NBR1: variants seen among roughly 807,000 people sequenced by gnomAD.
NBR1 encodes the protein next to BRCA1 gene 1 protein.
A neutral mutation model predicts 115.5 loss-of-function variants in NBR1; 59 were observed. The observed-to-expected ratio is 0.51, with a 90% CI of 0.41 to 0.63. The LOEUF is 0.63. NBR1 is among the 30% of genes least tolerant of loss of function. The pLI, the probability that NBR1 is intolerant of heterozygous loss-of-function variation, is 0.00. For missense variants in NBR1, 1,043 were observed against 1,150.5 expected, an observed-to-expected ratio of 0.91 and a Z score of 1.35; for synonymous variants, 373 against 414.7, an observed-to-expected ratio of 0.90 and a Z score of 1.22.
intron 1 of NBR1, among the ~76,000 whole-genome samples, chr17:43,172,945 C>G (rs999203969): frequency 6.6e-6 from 1 of 152,010 alleles, no homozygotes; most frequent in Non-Finnish European, 1.5e-5. Context: ...CCTGCCTCAG[C>G]CTCCCGAGTA....
chr17:43,183,967 C>T (rs955455675), intron 5 of NBR1, among the ~76,000 whole-genome samples: 2 of 151,942 alleles, frequency 1.3e-5, no homozygotes, highest in Admixed American at 1.3e-4. Flanking sequence ...GCTACCACAC[C>T]TGGCTAGTTA....
chr17:43,206,440 G>A (rs565570405), intron 20 of NBR1, among the ~76,000 whole-genome samples: 2 of 150,352 alleles, frequency 1.3e-5, no homozygotes, highest in South Asian at 2.1e-4. Flanking sequence ...GGCAGATCAC[G>A]AGGTCAGGAG....
chr17:43,184,440 A>G (rs1207887048), intron 5 of NBR1, among the ~76,000 whole-genome samples: 1 of 133,108 alleles, frequency 7.5e-6, no homozygotes, highest in Non-Finnish European at 1.6e-5. Flanking sequence ...ATCTCAGCTC[A>G]TTGCAACCTC....
At chr17:43,172,768 C>T (rs2056407654) in intron 1 of NBR1, among the ~76,000 whole-genome samples, 2 of 152,062 alleles carry the variant, frequency 1.3e-5, no homozygotes, top group Admixed American at 6.6e-5. Flanking sequence ...TTTTACAGGG[C>T]AGTGCATTAC....
intron 6 of NBR1, among the ~76,000 whole-genome samples, chr17:43,186,980 AC>A (rs1209664100): frequency 6.6e-6 from 1 of 152,168 alleles, no homozygotes; most frequent in Non-Finnish European, 1.5e-5. Context: ...CAATAAACAT[AC>A]GTTTGCATGT....
chr17:43,194,232 A>C (rs922604124), intron 12 of NBR1, 118 bp from the exon 13 acceptor site: 54 of 966,028 alleles, frequency 5.6e-5, no homozygotes, highest in Non-Finnish European at 8.1e-5. Flanking sequence ...ATATATCAAA[A>C]ACATTGTTTT....
intron 6 of NBR1, among the ~76,000 whole-genome samples, chr17:43,188,812 A>G (rs776454146): frequency 6.6e-6 from 1 of 152,066 alleles, no homozygotes; most frequent in Non-Finnish European, 1.5e-5. Context: ...GAGATTTGGG[A>G]ATTAGTGTGC....
intron 16 of NBR1, among the ~76,000 whole-genome samples, chr17:43,197,996 A>G (rs930388926): frequency 1.3e-5 from 2 of 151,974 alleles, no homozygotes; most frequent in African/African-American, 4.8e-5. Context: ...TACTAAAAAT[A>G]CTAAAAATTA....
At chr17:43,185,771 T>C (rs536052083) in intron 5 of NBR1, among the ~76,000 whole-genome samples, 61 of 151,962 alleles carry the variant, frequency 4.0e-4, no homozygotes, top group African/African-American at 1.4e-3. Flanking sequence ...GCGAGGTGGG[T>C]GGATCACCTG....
At position 43,180,953 on chromosome 17, in the gene NBR1, T is replaced by C. The variant is rs1019249065; in HGVS notation, c.207+136T>C. The stretch of plus-strand genomic sequence containing the variant: ...GTGGCACAATCTGGGGTTGCTGCAG[T>C]CTTCACCTCCCAGGCTTAAGTGATC... On this transcript the variant is annotated intron_variant, in intron 5 of 20. Transcript: ENST00000590996. 5.5e-6 allele frequency: 5 copies of C among 917,280 alleles called. No individual in the cohort carries two copies. The African/African-American group carries it at 8.7e-5, about 16-fold the overall frequency. The allele number at this position is 917,280 out of a possible 1,614,324, so 56.8% of individuals were successfully genotyped here. A position where few individuals can be genotyped will look rare whatever the true frequency, so the allele number is the denominator to read the frequency against.
chr17:43,205,182 C>T (rs578158615), intron 20 of NBR1, among the ~76,000 whole-genome samples: 3 of 151,964 alleles, frequency 2.0e-5, no homozygotes, highest in South Asian at 4.2e-4. Flanking sequence ...GATGAAACCC[C>T]GTCTCTACTA....
At chr17:43,208,359 G>A (rs1458872368) in intron 20 of NBR1, among the ~76,000 whole-genome samples, 2 of 152,188 alleles carry the variant, frequency 1.3e-5, no homozygotes, top group African/African-American at 2.4e-5. Context: ...AAGATACAAT[G>A]CAAGGTACAT....
chr17:43,209,652 C>A (rs1255446276), intron 20 of NBR1: 1 of 1,535,322 alleles, frequency 6.5e-7, no homozygotes, highest in East Asian at 2.4e-5. Context: ...AAGTACAGTT[C>A]ATTAGCTCCC....
chr17:43,197,184 C>CAAG, intron 16 of NBR1, 78 bp downstream of exon 16: 1 of 1,294,346 alleles, frequency 7.7e-7, no homozygotes, highest in Non-Finnish European at 1.1e-6. Flanking sequence ...GTTAGATGTG[C>CAAG]TCTTCTTCAC....
At chr17:43,196,223 CCTTT>C (rs1246165147) in intron 14 of NBR1, 2 of 335,222 alleles carry the variant, frequency 6.0e-6, no homozygotes, top group Non-Finnish European at 1.1e-5. Flanking sequence ...TCCTTTTGTT[CCTTT>C]ATGTTCATGG....
rs542922911 is a variant in NBR1, at chr17:43,173,151, G to T, written c.-10+1849G>T. On this transcript the variant is annotated intron_variant, in intron 1 of 20. Coordinates refer to ENST00000590996, the MANE Select transcript of NBR1 (RefSeq NM_005899.5). ...CTATTATTTTTTAAAATGTTTAATT[G>T]AACTTAATTTTTTTAAGGAGACAGG... Among the ~76,000 whole-genome samples, 3 of 151,856 alleles carry T rather than the reference G, an allele frequency of 2.0e-5. No individual in the cohort carries two copies. In the South Asian group the frequency reaches 6.3e-4, roughly 32 times the overall value.
chr17:43,199,569 G>A (rs1204220870), intron 16 of NBR1, among the ~76,000 whole-genome samples: 1 of 151,726 alleles, frequency 6.6e-6, no homozygotes. Flanking sequence ...TAGAGATGGG[G>A]TTTCACCGTG....
At chr17:43,184,636 G>T (rs1329313376) in intron 5 of NBR1, among the ~76,000 whole-genome samples, 4 of 151,626 alleles carry the variant, frequency 2.6e-5, no homozygotes, top group Non-Finnish European at 5.9e-5. Flanking sequence ...AAAATGCTGG[G>T]ATTACAGGCA....
At chr17:43,181,676 A>C (rs1420198938) in intron 5 of NBR1, among the ~76,000 whole-genome samples, 3 of 141,442 alleles carry the variant, frequency 2.1e-5, no homozygotes, top group Non-Finnish European at 4.8e-5. Flanking sequence ...AACAAAAAAA[A>C]CAAACAAACC....
Sources: gnomAD v4.1 joint callset for allele counts (sites outside exome capture counted in the v4.1 genomes callset) on GRCh38, gnomAD v4.1.1 for gene constraint, MANE v1.5 for transcripts, NCBI Gene and HGNC (gene_info 2026-07-23, HGNC 2026-07-21) for gene names.